Variants in ZNF385D observed in about 807,000 individuals in gnomAD.
ZNF385D encodes the protein zinc finger protein 659.
A neutral mutation model predicts 35.8 loss-of-function variants in ZNF385D; 15 were observed. The ratio of observed to expected loss-of-function variants is 0.42; its 90% CI spans 0.28 to 0.64. ZNF385D has a LOEUF of 0.64. ZNF385D is among the 30% of genes least tolerant of loss of function. The pLI is 0.23. For missense variants in ZNF385D, 474 were observed against 494.6 expected (o/e 0.96, Z 0.39); for synonymous variants, 212 against 186.8 (o/e 1.13, Z -1.10).
At chr3:21,894,822 T>C (rs1370148016) in intron 3 of ZNF385D, among the ~76,000 whole-genome samples, 1 of 152,024 alleles carries the variant, frequency 6.6e-6, no homozygotes, top group Non-Finnish European at 1.5e-5. Context: ...TACAACCCTT[T>C]CAGAAGAAAC....
Position 22,312,911 on chromosome 3 carries a change from C to A in ZNF385D, c.106+59539G>T, listed in dbSNP as rs200200143. ...GCCATCCCATTACTGGGTATATACC[C>A]AAAGGACTATAAATCATGCTGCTAT... On this transcript the variant is annotated intron_variant, in intron 2 of 5. Coordinates refer to the ZNF385D transcript ENST00000494108. Among the ~76,000 whole-genome samples, 10 of 123,260 alleles carry A rather than the reference C, an allele frequency of 8.1e-5. 1 individual carries two copies. Among genetic ancestry groups the A allele is most frequent in the East Asian group, 6.8e-4 (3 of 4,424 alleles). The allele number at this position is 123,260 out of a possible 152,430, so 80.9% of individuals were successfully genotyped here. A position where few individuals can be genotyped will look rare whatever the true frequency, so the allele number is the denominator to read the frequency against.
intron 3 of ZNF385D, among the ~76,000 whole-genome samples, chr3:22,163,809 TG>T (rs1363252441): frequency 6.6e-6 from 1 of 152,210 alleles, no homozygotes; most frequent in Non-Finnish European, 1.5e-5. Context: ...TTTGTGAAGA[TG>T]AAAGTTCAAA....
intron 2 of ZNF385D, among the ~76,000 whole-genome samples, chr3:21,648,398 T>C (rs2065815742): frequency 6.6e-6 from 1 of 152,162 alleles, no homozygotes. Context: ...CTTTTCTTTA[T>C]GTTACCCAGT....
chr3:21,870,729 G>A (rs1053159842), intron 3 of ZNF385D, among the ~76,000 whole-genome samples: 17 of 152,110 alleles, frequency 1.1e-4, no homozygotes, highest in African/African-American at 4.1e-4. Context: ...GTGTGTGCGT[G>A]TATATGTATG....
intron 3 of ZNF385D, among the ~76,000 whole-genome samples, chr3:22,033,579 CAG>C (rs1698138300): frequency 6.6e-6 from 1 of 151,902 alleles, no homozygotes; most frequent in South Asian, 2.1e-4. Context: ...TAGTATCTAT[CAG>C]TGTTCAGTGT....
chr3:21,875,235 CTTTT>C (rs928399173), intron 3 of ZNF385D, among the ~76,000 whole-genome samples: 1 of 143,730 alleles, frequency 7.0e-6, no homozygotes, highest in East Asian at 2.0e-4. Flanking sequence ...ATATGAATGT[CTTTT>C]TATTTCTTTT....
At chr3:21,436,907 A>G in intron 5 of ZNF385D, 63 bp downstream of exon 5, 1 of 1,471,540 alleles carries the variant, frequency 6.8e-7, no homozygotes, top group East Asian at 2.3e-5. Flanking sequence ...CAAAAGATCT[A>G]ATCTATTCAG....
intron 3 of ZNF385D, among the ~76,000 whole-genome samples, chr3:21,937,659 C>T (rs1162527456): frequency 1.3e-5 from 2 of 150,640 alleles, no homozygotes; most frequent in African/African-American, 2.5e-5. Flanking sequence ...ATTTAAATGA[C>T]GTTATTTTCA....
At chr3:22,289,987 A>G (rs79158102) in intron 2 of ZNF385D, among the ~76,000 whole-genome samples, 4,026 of 152,182 alleles carry the variant, frequency 0.026, 76 homozygotes, top group Non-Finnish European at 0.038. Flanking sequence ...GAAAAACTGG[A>G]AGCTTTGAGT....
chr3:22,303,888 C>T (rs902807737), intron 2 of ZNF385D, among the ~76,000 whole-genome samples: 2 of 152,114 alleles, frequency 1.3e-5, no homozygotes, highest in Non-Finnish European at 2.9e-5. Context: ...AGCGATTCTT[C>T]TGCTTCAGCC....
At chr3:22,162,115 T>G (rs2125742203) in intron 3 of ZNF385D, among the ~76,000 whole-genome samples, 1 of 152,310 alleles carries the variant, frequency 6.6e-6, no homozygotes, top group South Asian at 2.1e-4. Context: ...ATGGCAAATC[T>G]TAACTCACAG....
intron 3 of ZNF385D, among the ~76,000 whole-genome samples, chr3:21,854,776 G>C (rs936334130): frequency 2.6e-5 from 4 of 151,822 alleles, no homozygotes; most frequent in African/African-American, 9.7e-5. Flanking sequence ...ATAAATATTT[G>C]TTGACTGATA....
intron 1 of ZNF385D, among the ~76,000 whole-genome samples, chr3:21,687,999 A>T (rs1266276812): frequency 6.6e-6 from 1 of 152,050 alleles, no homozygotes; most frequent in Non-Finnish European, 1.5e-5. Flanking sequence ...AGCTCAAGGG[A>T]TCCTGCTACC....
intron 1 of ZNF385D, among the ~76,000 whole-genome samples, chr3:21,697,557 G>C (rs1010204414): frequency 6.6e-6 from 1 of 151,980 alleles, no homozygotes; most frequent in African/African-American, 2.4e-5. Flanking sequence ...TGGTCCATTT[G>C]TAACTAAGTA....
intron 2 of ZNF385D, among the ~76,000 whole-genome samples, chr3:21,627,837 G>T (rs1400019279): frequency 2.0e-5 from 3 of 151,998 alleles, no homozygotes; most frequent in Admixed American, 2.0e-4. Context: ...GAGGTCTGCT[G>T]GTCATCTAAG....
At chr3:22,278,844 T>C (rs1332749928) in intron 2 of ZNF385D, among the ~76,000 whole-genome samples, 1 of 152,124 alleles carries the variant, frequency 6.6e-6, no homozygotes, top group Non-Finnish European at 1.5e-5. Context: ...GGTCTGGGTT[T>C]ACTGGAAGCC....
intron 2 of ZNF385D, among the ~76,000 whole-genome samples, chr3:22,224,775 T>C (rs1025314453): frequency 5.3e-5 from 8 of 152,194 alleles, no homozygotes; most frequent in African/African-American, 1.9e-4. Context: ...GTTGAAGACC[T>C]GCCCCTAAGT....
intron 3 of ZNF385D, among the ~76,000 whole-genome samples, chr3:22,034,000 T>C (rs1228957551): frequency 6.6e-6 from 1 of 152,186 alleles, no homozygotes; most frequent in South Asian, 2.1e-4. Context: ...GTCCCTTTTT[T>C]AAAACGTAAA....
At chr3:22,149,154 C>A (rs1392887629) in intron 3 of ZNF385D, among the ~76,000 whole-genome samples, 1 of 152,066 alleles carries the variant, frequency 6.6e-6, no homozygotes, top group Non-Finnish European at 1.5e-5. Context: ...GCATTTTAGA[C>A]CCCCGGCTGA....
Sources: gnomAD v4.1 joint callset for allele counts (sites outside exome capture counted in the v4.1 genomes callset) on GRCh38, gnomAD v4.1.1 for gene constraint, MANE v1.5 for transcripts, NCBI Gene and HGNC (gene_info 2026-07-23, HGNC 2026-07-21) for gene names.